ATOSA: variants seen among roughly 807,000 people sequenced by gnomAD.
The protein encoded by ATOSA is atos homolog protein A.
the ATOSA span, among the ~76,000 whole-genome samples, chr15:52,685,009 G>A: frequency 6.6e-5 from 10 of 152,332 alleles, no homozygotes; most frequent in East Asian, 1.5e-3. Context: ...TTGATCACAT[G>A]TTGAAATGGT....
chr15:52,619,190 C>T, the ATOSA span, among the ~76,000 whole-genome samples: 18 of 152,168 alleles, frequency 1.2e-4, no homozygotes, highest in African/African-American at 3.1e-4. Context: ...TTTTAATAAA[C>T]GAGAATACTA....
chr15:52,643,156 T>A, the ATOSA span, among the ~76,000 whole-genome samples: 1 of 152,070 alleles, frequency 6.6e-6, no homozygotes, highest in African/African-American at 2.4e-5. Flanking sequence ...CATGAAAAAA[T>A]TTTGTGGTCA....
At chr15:52,676,172 A>G in the ATOSA span, among the ~76,000 whole-genome samples, 1 of 152,212 alleles carries the variant, frequency 6.6e-6, no homozygotes, top group Non-Finnish European at 1.5e-5. Context: ...TTACAACTAA[A>G]AATATTTTGA....
At chr15:52,662,236 T>C in the ATOSA span, among the ~76,000 whole-genome samples, 1 of 152,148 alleles carries the variant, frequency 6.6e-6, no homozygotes, top group Non-Finnish European at 1.5e-5. Context: ...TCTCTACTCT[T>C]AACACAGCTA....
chr15:52,629,095 A>C, the ATOSA span, among the ~76,000 whole-genome samples: 11 of 152,366 alleles, frequency 7.2e-5, no homozygotes, highest in Non-Finnish European at 1.3e-4. Context: ...CTGGCTGCTT[A>C]ATAATCCAAA....
the ATOSA span, among the ~76,000 whole-genome samples, chr15:52,684,656 A>C: frequency 6.6e-6 from 1 of 152,256 alleles, no homozygotes; most frequent in Non-Finnish European, 1.5e-5. Flanking sequence ...AAGGCCAAGA[A>C]GTGAATCTAA....
At chr15:52,654,981 A>G in the ATOSA span, among the ~76,000 whole-genome samples, 14 of 152,154 alleles carry the variant, frequency 9.2e-5, no homozygotes, top group South Asian at 2.7e-3. Flanking sequence ...CTACTGGCCC[A>G]TGGGCCAGGC....
At chr15:52,645,820 G>T in the ATOSA span, among the ~76,000 whole-genome samples, 1 of 152,142 alleles carries the variant, frequency 6.6e-6, no homozygotes, top group Non-Finnish European at 1.5e-5. Flanking sequence ...CATACAGAAA[G>T]AACTCTGAGA....
At chr15:52,678,787 C>G in the ATOSA span, 3 of 153,358 alleles carry the variant, frequency 2.0e-5, no homozygotes, top group East Asian at 5.8e-4. Flanking sequence ...CAACCCCTTC[C>G]GTCCCGCCGC....
At chr15:52,623,704 C>T in the ATOSA span, among the ~76,000 whole-genome samples, 18 of 151,978 alleles carry the variant, frequency 1.2e-4, no homozygotes, top group African/African-American at 4.4e-4. Flanking sequence ...TCATTGGTGA[C>T]CTTGAAAATA....
chr15:52,624,037 T>C, the ATOSA span, among the ~76,000 whole-genome samples: 1 of 152,228 alleles, frequency 6.6e-6, no homozygotes, highest in Non-Finnish European at 1.5e-5. Flanking sequence ...TAAATTTTCC[T>C]TGGAATTAAA....
chr15:52,696,709 C>A, the ATOSA span, among the ~76,000 whole-genome samples: 1 of 151,994 alleles, frequency 6.6e-6, no homozygotes, highest in Non-Finnish European at 1.5e-5. Context: ...ATATGCATTA[C>A]CACTTTGAAA....
chr15:52,640,341 T>C, the ATOSA span, among the ~76,000 whole-genome samples: 1 of 151,872 alleles, frequency 6.6e-6, no homozygotes, highest in East Asian at 1.9e-4. Context: ...CCCAGCACTT[T>C]GGTAGGCTGA....
the ATOSA span, among the ~76,000 whole-genome samples, chr15:52,659,853 AT>A: frequency 6.6e-6 from 1 of 152,108 alleles, no homozygotes; most frequent in Admixed American, 6.5e-5. Context: ...AAAGAAAAAA[AT>A]ATATATTAAA....
At chr15:52,652,193 T>C in the ATOSA span, 1 of 713,856 alleles carries the variant, frequency 1.4e-6, no homozygotes, top group Non-Finnish European at 2.0e-6. Context: ...TTTGCTCGTC[T>C]TACAAACTCA....
chr15:52,679,462 T>TCCGCGGCCCC, the ATOSA span: 1 of 152,570 alleles, frequency 6.6e-6, no homozygotes, highest in East Asian at 1.9e-4. Flanking sequence ...TCCGCGGCCC[T>TCCGCGGCCCC]GGCGCCCGGT....
chr15:52,641,139 T>C, the ATOSA span, among the ~76,000 whole-genome samples: 1 of 152,364 alleles, frequency 6.6e-6, no homozygotes, highest in African/African-American at 2.4e-5. Context: ...ATTCGTAACT[T>C]ATGCTTACAT....
chr15:52,709,161 C>T, the ATOSA span, among the ~76,000 whole-genome samples: 1 of 152,144 alleles, frequency 6.6e-6, no homozygotes, highest in Admixed American at 6.5e-5. Flanking sequence ...CAGTTTTGCC[C>T]CCTCTTTATT....
the ATOSA span, among the ~76,000 whole-genome samples, chr15:52,690,631 T>G: frequency 6.6e-6 from 1 of 152,156 alleles, no homozygotes; most frequent in African/African-American, 2.4e-5. Flanking sequence ...GCCAGAAGTA[T>G]AGTACTGTAA....
Sources: gnomAD v4.1 joint callset for allele counts (sites outside exome capture counted in the v4.1 genomes callset) on GRCh38, gnomAD v4.1.1 for gene constraint, MANE v1.5 for transcripts, NCBI Gene and HGNC (gene_info 2026-07-23, HGNC 2026-07-21) for gene names.